The following RMDN2 variants were observed in gnomAD, a reference collection of about 807,000 sequenced individuals.
The protein encoded by RMDN2 is regulator of microtubule dynamics protein 2.
In RMDN2, 61 loss-of-function variants were observed where a neutral mutation model predicts 52.8. The observed-to-expected ratio is 1.16, with a 90% CI of 0.94 to 1.43. The LOEUF (loss-of-function observed/expected upper bound fraction) is 1.43. Ranked by LOEUF, RMDN2 falls within the 40% of genes most tolerant of loss-of-function variation. The pLI is 0.00. For missense variants in RMDN2, 592 were observed against 475.3 expected (o/e 1.25, Z -2.28); for synonymous variants, 180 against 153.1 (o/e 1.18, Z -1.30).
chr2:37,946,156 C>G (rs1163180912), intron 2 of RMDN2, among the ~76,000 whole-genome samples: 1 of 152,142 alleles, frequency 6.6e-6, no homozygotes, highest in Non-Finnish European at 1.5e-5. Flanking sequence ...AGAACTGAAT[C>G]ATAATTTTAT....
intron 10 of RMDN2, among the ~76,000 whole-genome samples, chr2:38,011,400 T>C (rs1488465135): frequency 1.3e-5 from 2 of 152,140 alleles, no homozygotes; most frequent in East Asian, 1.9e-4. Context: ...AACAAAAAAA[T>C]AGGTATATAT....
At position 38,017,489 on chromosome 2, in the gene RMDN2, T is replaced by A. The variant is rs1309497671; in HGVS notation, c.*250T>A. On this transcript the variant is annotated 3_prime_UTR_variant, in exon 11 of 11. Coordinates refer to ENST00000354545, the MANE Select transcript of RMDN2 (RefSeq NM_001170791.3). ...GTATGCTTTATATTTTTCTTATCAA[T>A]AAACTGCAGCCTTAAGAATATTTCT... 4 of 1,091,182 alleles carry A rather than the reference T, an allele frequency of 3.7e-6. No homozygotes were observed. The highest frequency in any genetic ancestry group is 3.3e-5 in the African/African-American group (2 of 61,496). The allele number at this position is 1,091,182 out of a possible 1,614,324, so 67.6% of individuals were successfully genotyped here.
At chr2:37,982,348 A>T (rs994899529) in intron 5 of RMDN2, among the ~76,000 whole-genome samples, 19 of 152,178 alleles carry the variant, frequency 1.2e-4, no homozygotes, top group African/African-American at 4.3e-4. Flanking sequence ...GTAACATTTT[A>T]TTTGTCCGAA....
chr2:37,938,202 G>A (rs560302889), intron 2 of RMDN2, among the ~76,000 whole-genome samples: 92 of 152,260 alleles, frequency 6.0e-4, no homozygotes, highest in African/African-American at 2.0e-3. Flanking sequence ...TATGTTTACT[G>A]ATTTGTGTAT....
intron 2 of RMDN2, among the ~76,000 whole-genome samples, chr2:37,930,993 G>A (rs1666690278): frequency 1.3e-5 from 2 of 151,938 alleles, no homozygotes; most frequent in South Asian, 2.1e-4. Context: ...CAGGCCCAGC[G>A]CTGCTACCCA....
At chr2:38,006,769 C>G (rs547752725) in intron 10 of RMDN2, among the ~76,000 whole-genome samples, 1 of 152,190 alleles carries the variant, frequency 6.6e-6, no homozygotes, top group Non-Finnish European at 1.5e-5. Flanking sequence ...GAGAGGGCAT[C>G]CCTGTCTTGT....
At chr2:38,056,978 G>A (rs1681875997) in intron 10 of RMDN2, among the ~76,000 whole-genome samples, 1 of 152,126 alleles carries the variant, frequency 6.6e-6, no homozygotes, top group Non-Finnish European at 1.5e-5. Context: ...GCTTCCTAGT[G>A]CCTTATTTGG....
At chr2:38,003,485 G>A (rs184832567) in intron 8 of RMDN2, among the ~76,000 whole-genome samples, 119 of 152,090 alleles carry the variant, frequency 7.8e-4, no homozygotes, top group Non-Finnish European at 1.4e-3. Context: ...CCTGGGAGGC[G>A]GAGGTTGCAG....
At position 37,929,485 on chromosome 2, in the gene RMDN2, G is replaced by C; in HGVS notation, c.208G>C (p.Glu70Gln). 6.4e-7 allele frequency: 1 copy of C among 1,551,608 alleles called. No homozygotes were observed. The change falls in exon 2 of 11, where the codon GAA becomes CAA. Residue 70 changes from glutamate (E) to glutamine (Q), a missense_variant. Physicochemically the swap from Glu to Gln is conservative, Grantham distance 29. Transcript: ENST00000354545. ...DDQGTTVIFQ[E>Q]RQLQILEKLN... ...CCAAGGAACAACAGTAATCTTTCAA[G>C]AAAGGCAACTTCAGATACTGGAGAA...
intron 5 of RMDN2, among the ~76,000 whole-genome samples, chr2:37,985,638 G>A (rs10193252): frequency 0.3 from 45,736 of 151,956 alleles, 8,968 homozygotes; most frequent in African/African-American, 0.57. Context: ...AATTTTGTTG[G>A]TGGGTGAAGA....
rs141721125 is a variant in RMDN2, at chr2:38,044,671, C to G, written c.1714-22311C>G. On this transcript the variant is annotated intron_variant, in intron 10 of 10. Transcript: ENST00000234195. ...GTGATTCTTTACTTGGTTGTGTTCACTCTGCTGATGAACTATCAAAGAATT... is the reference window on the plus strand; with the variant it reads ...GTGATTCTTTACTTGGTTGTGTTCAGTCTGCTGATGAACTATCAAAGAATT... Among the ~76,000 whole-genome samples the G allele has an allele frequency of 2.3e-4, 35 of 152,002 alleles. No homozygotes were observed. The East Asian group carries it at 6.0e-3, about 26-fold the overall frequency.
intron 2 of RMDN2, among the ~76,000 whole-genome samples, chr2:37,948,671 G>C (rs1382360830): frequency 6.6e-6 from 1 of 152,160 alleles, no homozygotes; most frequent in Non-Finnish European, 1.5e-5. Flanking sequence ...CACCTAGAAC[G>C]ATATTAATCA....
rs182370326 is a variant in RMDN2 at position 37,936,870 on chromosome 2, T to C, written c.452+7141T>C. Among the ~76,000 whole-genome samples, 1,116 of 152,326 alleles carry C rather than the reference T, an allele frequency of 7.3e-3. 9 individuals are homozygous for C. The highest frequency in any genetic ancestry group is 0.01 in the Non-Finnish European group (687 of 68,022). On this transcript the variant is annotated intron_variant, in intron 2 of 10. Transcript: ENST00000354545. ...CCTGTTCACTCTGATGATACTTTCT[T>C]TTGCTGTGCAGGAGCTCTCTAGTTT... is the stretch of plus-strand genomic sequence containing the variant.
intron 2 of RMDN2, among the ~76,000 whole-genome samples, chr2:37,962,000 G>T (rs1670302440): frequency 6.6e-6 from 1 of 152,186 alleles, no homozygotes; most frequent in Admixed American, 6.5e-5. Context: ...AACACTGTTT[G>T]CCTGGGTATC....
intron 10 of RMDN2, among the ~76,000 whole-genome samples, chr2:38,038,822 TG>T (rs1680763582): frequency 6.6e-6 from 1 of 152,086 alleles, no homozygotes; most frequent in Non-Finnish European, 1.5e-5. Context: ...GACCTGATCC[TG>T]GGGAGGATCA....
chr2:37,957,117 C>A (rs916404336), intron 2 of RMDN2, among the ~76,000 whole-genome samples: 23 of 152,104 alleles, frequency 1.5e-4, no homozygotes, highest in African/African-American at 5.6e-4. Context: ...AATAAACATA[C>A]AGGTGTATGT....
chr2:38,017,993 G>T, downstream of RMDN2, among the ~76,000 whole-genome samples: 1 of 152,300 alleles, frequency 6.6e-6, no homozygotes, highest in Middle Eastern at 3.4e-3. Flanking sequence ...GGATGAGCCC[G>T]GAGAAGGAAT....
chr2:37,933,102 G>T (rs1666967078), intron 2 of RMDN2, among the ~76,000 whole-genome samples: 1 of 152,120 alleles, frequency 6.6e-6, no homozygotes, highest in South Asian at 2.1e-4. Flanking sequence ...TCTCAGGGCG[G>T]CTGGGCAGAG....
chr2:38,025,020 A>G (rs903013689), intron 10 of RMDN2, among the ~76,000 whole-genome samples: 2 of 152,138 alleles, frequency 1.3e-5, no homozygotes, highest in African/African-American at 4.8e-5. Context: ...TTGCATTTCC[A>G]TGTGAATTTT....
Sources: gnomAD v4.1 joint callset for allele counts (sites outside exome capture counted in the v4.1 genomes callset) on GRCh38, gnomAD v4.1.1 for gene constraint, MANE v1.5 for transcripts, NCBI Gene and HGNC (gene_info 2026-07-23, HGNC 2026-07-21) for gene names.